The following KCTD16 variants were observed in gnomAD, a reference collection of about 807,000 sequenced individuals.
KCTD16 encodes potassium channel tetramerization domain containing 16.
Under a neutral mutation model 33.2 loss-of-function variants are expected in KCTD16, and 13 were observed. That is an observed-to-expected ratio of 0.39 (90% CI 0.25 to 0.62). KCTD16 has a LOEUF of 0.62. KCTD16 is among the 20% of genes least tolerant of loss of function. KCTD16 has a pLI of 0.50. For synonymous variants in KCTD16, 197 were observed against 195.3 expected, an observed-to-expected ratio of 1.01 and a Z score of -0.07; for missense variants, 441 against 525.1, an observed-to-expected ratio of 0.84 and a Z score of 1.57.
chr5:144,397,213 G>A (rs1485271867), intron 3 of KCTD16, among the ~76,000 whole-genome samples: 1 of 151,700 alleles, frequency 6.6e-6, no homozygotes, highest in Non-Finnish European at 1.5e-5. Flanking sequence ...TGAGAATGAT[G>A]GTTTCCAGCT....
chr5:144,414,415 T>C (rs1006546898), intron 3 of KCTD16, among the ~76,000 whole-genome samples: 3 of 152,174 alleles, frequency 2.0e-5, no homozygotes, highest in Non-Finnish European at 4.4e-5. Context: ...TTTCATGTTA[T>C]TTTTGCAGTG....
intron 3 of KCTD16, among the ~76,000 whole-genome samples, chr5:144,458,759 G>A (rs1209013142): frequency 6.6e-6 from 1 of 152,260 alleles, no homozygotes. Context: ...CTTTCCTCCT[G>A]TTCCTAAGAG....
chr5:144,276,660 T>G (rs1755445673), intron 3 of KCTD16, among the ~76,000 whole-genome samples: 1 of 152,118 alleles, frequency 6.6e-6, no homozygotes, highest in Non-Finnish European at 1.5e-5. Context: ...TCTCAGCAAT[T>G]TGGGAGGCCA....
chr5:144,271,819 G>C (rs1755304290), intron 3 of KCTD16, among the ~76,000 whole-genome samples: 1 of 150,866 alleles, frequency 6.6e-6, no homozygotes, highest in East Asian at 1.9e-4. Context: ...AACTTAGACA[G>C]CAGGATACAA....
chr5:144,396,842 G>A (rs539773594), intron 3 of KCTD16, among the ~76,000 whole-genome samples: 1 of 150,726 alleles, frequency 6.6e-6, no homozygotes, highest in Non-Finnish European at 1.5e-5. Context: ...CTGACTTGTG[G>A]CATCTTCCAG....
intron 2 of KCTD16, among the ~76,000 whole-genome samples, chr5:144,200,660 C>T (rs2032785): frequency 0.45 from 68,905 of 152,034 alleles, 16,534 homozygotes; most frequent in African/African-American, 0.62. Context: ...CAAAATCATA[C>T]GTGAACTATG....
chr5:144,235,260 A>T (rs922929544), intron 3 of KCTD16, among the ~76,000 whole-genome samples: 2 of 152,126 alleles, frequency 1.3e-5, no homozygotes, highest in Admixed American at 6.6e-5. Context: ...ATTAAAATCT[A>T]ATGCCTTTCC....
chr5:144,328,512 TA>T (rs1752267390), intron 3 of KCTD16, among the ~76,000 whole-genome samples: 1 of 149,072 alleles, frequency 6.7e-6, no homozygotes. Flanking sequence ...CTTTTTTTTT[TA>T]TTTTTTTTAT....
intron 3 of KCTD16, among the ~76,000 whole-genome samples, chr5:144,264,687 T>C (rs543381936): frequency 2.0e-5 from 3 of 152,242 alleles, no homozygotes; most frequent in East Asian, 3.9e-4. Context: ...ATGGGAGGAT[T>C]GCTTGAGCCT....
chr5:144,398,081 GGATT>G (rs571762714), intron 3 of KCTD16, among the ~76,000 whole-genome samples: 69 of 152,270 alleles, frequency 4.5e-4, no homozygotes, highest in African/African-American at 1.5e-3. Context: ...ATGAGAGCAT[GGATT>G]GATTATTTTG....
intron 3 of KCTD16, among the ~76,000 whole-genome samples, chr5:144,421,912 T>A (rs1163009319): frequency 6.6e-6 from 1 of 152,120 alleles, no homozygotes; most frequent in African/African-American, 2.4e-5. Context: ...TCATCTTACC[T>A]TATTTGTACT....
At chr5:144,329,067 C>G (rs950750202) in intron 3 of KCTD16, among the ~76,000 whole-genome samples, 1 of 152,092 alleles carries the variant, frequency 6.6e-6, no homozygotes, top group Admixed American at 6.6e-5. Context: ...TCAAGGCAAA[C>G]TTATTTGAAA....
At chr5:144,173,164 A>T (rs959199679) in intron 1 of KCTD16, among the ~76,000 whole-genome samples, 2 of 152,254 alleles carry the variant, frequency 1.3e-5, no homozygotes, top group African/African-American at 4.8e-5. Flanking sequence ...AGTCTATCAT[A>T]ACTACGCATG....
At position 144,471,650 on chromosome 5, in the gene KCTD16, T is replaced by C. The variant is rs62401807; in HGVS notation, c.833-2010T>C. Among the ~76,000 whole-genome samples the C allele has an allele frequency of 3.9e-3, 592 of 152,334 alleles. 2 individuals are homozygous for C. The highest frequency in any genetic ancestry group is 5.7e-3 in the Non-Finnish European group (390 of 68,036). On this transcript the variant is annotated intron_variant, in intron 3 of 3. Coordinates refer to ENST00000512467, the MANE Select transcript of KCTD16 (RefSeq NM_020768.4). ...TAAAAAATGATCCCCTCAAAATGTA[T>C]GCTGGCAGACAGAAAGCATTTTCTA...
intron 3 of KCTD16, among the ~76,000 whole-genome samples, chr5:144,467,530 A>C (rs1335693374): frequency 6.6e-6 from 1 of 152,184 alleles, no homozygotes; most frequent in Non-Finnish European, 1.5e-5. Context: ...TTAAGCCAAT[A>C]AACCTAGAAA....
At chr5:144,456,145 A>G (rs1437183016) in intron 3 of KCTD16, among the ~76,000 whole-genome samples, 2 of 152,006 alleles carry the variant, frequency 1.3e-5, no homozygotes, top group Non-Finnish European at 2.9e-5. Context: ...TATATCTAAA[A>G]AGGCTCTTAT....
intron 3 of KCTD16, among the ~76,000 whole-genome samples, chr5:144,456,751 G>T (rs1754073035): frequency 1.3e-5 from 2 of 149,572 alleles, no homozygotes; most frequent in African/African-American, 5.0e-5. Flanking sequence ...CTATACCACA[G>T]AACTCTTTTT....
At chr5:144,182,852 C>G (rs1752653407) in intron 2 of KCTD16, among the ~76,000 whole-genome samples, 1 of 152,110 alleles carries the variant, frequency 6.6e-6, no homozygotes, top group African/African-American at 2.4e-5. Flanking sequence ...TTACCTTTTA[C>G]CTTTCTTCAC....
At chr5:144,456,064 A>G (rs953725830) in intron 3 of KCTD16, among the ~76,000 whole-genome samples, 1 of 152,138 alleles carries the variant, frequency 6.6e-6, no homozygotes, top group Non-Finnish European at 1.5e-5. Flanking sequence ...AGCTATAAAT[A>G]TCTGATTCAC....
Sources: gnomAD v4.1 joint callset for allele counts (sites outside exome capture counted in the v4.1 genomes callset) on GRCh38, gnomAD v4.1.1 for gene constraint, MANE v1.5 for transcripts, NCBI Gene and HGNC (gene_info 2026-07-23, HGNC 2026-07-21) for gene names.